VPS13B: variants seen among roughly 807,000 people sequenced by gnomAD.
VPS13B encodes the protein vacuolar protein sorting 13 homolog B, also known as intermembrane lipid transfer protein VPS13B.
Under a neutral mutation model 426.4 loss-of-function variants are expected in VPS13B, and 285 were observed. The ratio of observed to expected loss-of-function variants is 0.67; its 90% CI spans 0.61 to 0.74. VPS13B has a LOEUF of 0.74. Ranked by LOEUF, VPS13B falls within the 30% of genes least tolerant of loss-of-function variation. The pLI, the probability that VPS13B is intolerant of heterozygous loss-of-function variation, is 0.00. For missense variants in VPS13B, 4,537 were observed against 4,782.6 expected, an observed-to-expected ratio of 0.95 and a Z score of 1.51; for synonymous variants, 1,676 against 1,676.4, an observed-to-expected ratio of 1.00 and a Z score of 0.01.
chr8:99,077,912 T>G (rs913245009), intron 3 of VPS13B, among the ~76,000 whole-genome samples: 1 of 152,156 alleles, frequency 6.6e-6, no homozygotes. Context: ...AAAAAAGTTA[T>G]CTTAAAAGAC....
intron 29 of VPS13B, among the ~76,000 whole-genome samples, chr8:99,515,849 G>A (rs938401755): frequency 1.3e-5 from 2 of 151,998 alleles, no homozygotes; most frequent in African/African-American, 4.8e-5. Flanking sequence ...TTGTACAAAG[G>A]TCTCATTAGT....
At chr8:99,168,983 T>C (rs1369230782) in intron 15 of VPS13B, among the ~76,000 whole-genome samples, 2 of 152,052 alleles carry the variant, frequency 1.3e-5, no homozygotes, top group Non-Finnish European at 2.9e-5. Context: ...AATAGCTTTT[T>C]GAAACTATTT....
intron 35 of VPS13B, among the ~76,000 whole-genome samples, chr8:99,676,270 G>A (rs1830929315): frequency 6.6e-6 from 1 of 152,092 alleles, no homozygotes; most frequent in East Asian, 1.9e-4. Flanking sequence ...GCACAGTGCT[G>A]GGGCATACTC....
At chr8:99,394,956 T>C (rs1814648500) in intron 21 of VPS13B, among the ~76,000 whole-genome samples, 2 of 152,072 alleles carry the variant, frequency 1.3e-5, no homozygotes, top group East Asian at 3.8e-4. Context: ...AGTAACAGGG[T>C]TTAGATTTAT....
intron 39 of VPS13B, among the ~76,000 whole-genome samples, chr8:99,765,857 G>A (rs1811190584): frequency 6.6e-6 from 1 of 152,014 alleles, no homozygotes; most frequent in South Asian, 2.1e-4. Flanking sequence ...ACATACAAAA[G>A]TCTACCCTAT....
chr8:99,568,296 A>AT (rs1278846975), intron 31 of VPS13B, among the ~76,000 whole-genome samples: 10 of 107,974 alleles, frequency 9.3e-5, no homozygotes, highest in South Asian at 5.4e-4. Flanking sequence ...TATTATTATT[A>AT]TTATTTTTTT....
chr8:99,800,968 T>C (rs1451686930), intron 43 of VPS13B, among the ~76,000 whole-genome samples: 5 of 152,210 alleles, frequency 3.3e-5, no homozygotes, highest in African/African-American at 1.2e-4. Context: ...AAGTATATGA[T>C]GAAATGACAC....
intron 19 of VPS13B, among the ~76,000 whole-genome samples, chr8:99,356,960 A>G (rs986471395): frequency 2.0e-5 from 3 of 151,998 alleles, no homozygotes; most frequent in Non-Finnish European, 4.4e-5. Flanking sequence ...GCTTTCTGAA[A>G]TATTTATTAT....
chr8:99,709,780 C>T (rs557212709), intron 36 of VPS13B, among the ~76,000 whole-genome samples: 11 of 152,156 alleles, frequency 7.2e-5, no homozygotes, highest in African/African-American at 2.4e-4. Context: ...GAGTGGGATC[C>T]TGAAACAGAA....
At chr8:99,344,475 G>A (rs1048318934) in intron 19 of VPS13B, among the ~76,000 whole-genome samples, 4 of 152,276 alleles carry the variant, frequency 2.6e-5, no homozygotes, top group South Asian at 4.1e-4. Context: ...TATAGGGTAG[G>A]TATGTCTTTT....
chr8:99,128,386 CAAAAAAAAAAAAAAAAA>C (rs71273165), intron 8 of VPS13B, among the ~76,000 whole-genome samples: 15 of 34,218 alleles, frequency 4.4e-4, no homozygotes, highest in East Asian at 1.1e-3. Context: ...GATACTGTCC[CAAAAAAAAAAAAAAAAA>C]AAAAAAAAAA....
intron 2 of VPS13B, among the ~76,000 whole-genome samples, chr8:99,029,642 GGC>G (rs1842405214): frequency 6.6e-6 from 1 of 152,006 alleles, no homozygotes; most frequent in Non-Finnish European, 1.5e-5. Flanking sequence ...CAGGTGTGGC[GGC>G]GCGCGCCTGC....
intron 17 of VPS13B, among the ~76,000 whole-genome samples, chr8:99,210,092 C>T (rs2132791462): frequency 6.6e-6 from 1 of 152,162 alleles, no homozygotes; most frequent in African/African-American, 2.4e-5. Context: ...TGAAGATGAG[C>T]ACAATTTCAA....
At chr8:99,532,395 A>G (rs1822978632) in intron 30 of VPS13B, among the ~76,000 whole-genome samples, 1 of 152,172 alleles carries the variant, frequency 6.6e-6, no homozygotes, top group Non-Finnish European at 1.5e-5. Context: ...AATTTTGGCA[A>G]ACTTTTGAAA....
chr8:99,594,035 G>C (rs1162805045), intron 33 of VPS13B, among the ~76,000 whole-genome samples: 5 of 151,838 alleles, frequency 3.3e-5, no homozygotes, highest in Non-Finnish European at 7.4e-5. Context: ...TTACCTATGT[G>C]ACAAACCTGC....
At chr8:99,478,120 C>CTT in intron 24 of VPS13B, among the ~76,000 whole-genome samples, 1 of 142,540 alleles carries the variant, frequency 7.0e-6, no homozygotes, top group African/African-American at 2.5e-5. Flanking sequence ...CCCATAGAAT[C>CTT]TTTTTTTTTT....
chr8:99,551,832 C>T (rs1824299666), intron 30 of VPS13B, among the ~76,000 whole-genome samples: 1 of 151,838 alleles, frequency 6.6e-6, no homozygotes, highest in Admixed American at 6.6e-5. Flanking sequence ...TATGTTTAGA[C>T]TTAGTCATAT....
chr8:99,314,483 CT>C (rs1388416272), intron 19 of VPS13B, among the ~76,000 whole-genome samples: 1 of 152,172 alleles, frequency 6.6e-6, no homozygotes, highest in African/African-American at 2.4e-5. Context: ...TGTTAATTTT[CT>C]GTCTAGATGA....
At chr8:99,495,762 A>C (rs1563760996) in intron 25 of VPS13B, among the ~76,000 whole-genome samples, 1 of 152,228 alleles carries the variant, frequency 6.6e-6, no homozygotes, top group Non-Finnish European at 1.5e-5. Context: ...TTGTTGCCCT[A>C]CTTAGGCTGA....
Sources: allele counts gnomAD v4.1 joint callset (sites outside exome capture counted in the v4.1 genomes callset), GRCh38; gene constraint gnomAD v4.1.1; transcripts MANE v1.5; gene names NCBI Gene and HGNC (gene_info 2026-07-23, HGNC 2026-07-21).